The following RBM19 variants were observed in gnomAD, a reference collection of about 807,000 sequenced individuals.
RBM19 encodes RNA binding motif protein 19, also known as probable RNA-binding protein 19.
RBM19 carries 94 observed loss-of-function variants against 116.8 expected under a neutral mutation model. The observed-to-expected ratio is 0.80, with a 90% CI of 0.68 to 0.95. The LOEUF is 0.95. Among genes scored for constraint, RBM19 ranks in the 40% least tolerant of loss-of-function variants. RBM19 has a pLI of 0.00. For missense variants in RBM19, 1,161 were observed against 1,220.7 expected (o/e 0.95, Z 0.73); for synonymous variants, 475 against 494.1 (o/e 0.96, Z 0.51).
At chr12:113,956,588 A>AG (rs1439783574) in intron 6 of RBM19, among the ~76,000 whole-genome samples, 1 of 151,498 alleles carries the variant, frequency 6.6e-6, no homozygotes, top group Non-Finnish European at 1.5e-5. Context: ...AAAAAAAAAA[A>AG]AAAAAAAAAA....
intron 6 of RBM19, 75 bp from the exon 7 acceptor site, chr12:113,955,286 C>T: frequency 7.1e-7 from 1 of 1,406,080 alleles, no homozygotes; most frequent in Admixed American, 1.7e-5. Flanking sequence ...CACACTGGGA[C>T]ATTTCAGTGC....
At chr12:113,945,663 G>A (rs1395127810) in intron 13 of RBM19, among the ~76,000 whole-genome samples, 165 bp downstream of exon 13, 1 of 152,212 alleles carries the variant, frequency 6.6e-6, no homozygotes, top group East Asian at 1.9e-4. Flanking sequence ...TTTCCAAAGG[G>A]AGGGCTGGGA....
chr12:113,849,638 C>T (rs1383290054), intron 22 of RBM19, among the ~76,000 whole-genome samples: 5 of 152,190 alleles, frequency 3.3e-5, no homozygotes, highest in South Asian at 4.1e-4. Context: ...GTAACCTGCA[C>T]CACTATGGCT....
Position 113,884,953 on chromosome 12 carries a change from G to A in RBM19, c.2559-26057C>T, listed in dbSNP as rs145080305. On this transcript the variant is annotated intron_variant, in intron 21 of 23. Coordinates refer to ENST00000261741, the MANE Select transcript of RBM19 (RefSeq NM_016196.4). ...AGAAAATAAATAACTATGAGGAAAC[G>A]GAATGTGGAGAAAAGCCCTTCCCGG... Among the ~76,000 whole-genome samples, 357 of 152,264 alleles carry A rather than the reference G, an allele frequency of 2.3e-3. 1 individual carries two copies. The highest frequency in any genetic ancestry group is 8.3e-3 in the African/African-American group (345 of 41,550).
At chr12:113,910,299 G>A (rs1243180029) in intron 21 of RBM19, among the ~76,000 whole-genome samples, 6 of 152,270 alleles carry the variant, frequency 3.9e-5, no homozygotes, top group South Asian at 2.1e-4. Flanking sequence ...CCCTGCAGGC[G>A]AGCAAACTAA....
intron 23 of RBM19, among the ~76,000 whole-genome samples, chr12:113,837,040 G>C (rs1876005805): frequency 8.7e-6 from 1 of 114,526 alleles, no homozygotes; most frequent in Admixed American, 1.1e-4. Context: ...CACGTCCCAA[G>C]CAATGCTTAT....
In RBM19 at chr12:113,940,066, C is replaced by T. The variant is rs764391736; in HGVS notation, c.1832G>A (p.Gly611Asp). The T allele has an allele frequency of 1.9e-6, 3 of 1,613,952 alleles. No homozygotes were observed. In the African/African-American group the frequency reaches 4.0e-5, roughly 22 times the overall value. Reference protein sequence around the residue: ...AQLQETFGHFGSLGRVLLPEG... With the variant: ...AQLQETFGHFDSLGRVLLPEG... ...TGGCAGCAGCACGCGGCCCAGGCTG[C>T]CAAAATGGCCGAAGGTCTCCTGCAG... The change falls in exon 15 of 24, where the codon GGC becomes GAC. Residue 611 changes from glycine (G) to aspartate (D), a missense_variant. Gly to Asp is a moderately conservative substitution (Grantham distance 94). Coordinates refer to ENST00000261741, the MANE Select transcript of RBM19 (RefSeq NM_016196.4).
intron 16 of RBM19, among the ~76,000 whole-genome samples, chr12:113,928,752 G>C (rs1869351660): frequency 6.6e-6 from 1 of 151,552 alleles, no homozygotes; most frequent in African/African-American, 2.4e-5. Context: ...GCTGCCAGAA[G>C]CCTCAGGAAG....
chr12:113,862,192 A>G (rs1470596365), intron 21 of RBM19, among the ~76,000 whole-genome samples: 2 of 152,190 alleles, frequency 1.3e-5, no homozygotes, highest in Non-Finnish European at 2.9e-5. Flanking sequence ...AGTGCCTGCA[A>G]TATGCAGTCT....
chr12:113,955,319 G>C, intron 6 of RBM19, 108 bp from the exon 7 acceptor site: 1 of 1,038,332 alleles, frequency 9.6e-7, no homozygotes, highest in South Asian at 1.3e-5. Flanking sequence ...CTGCCGCCAG[G>C]GGGAGCTGGG....
At chr12:113,953,359 G>A (rs947290682) in intron 7 of RBM19, among the ~76,000 whole-genome samples, 1 of 152,248 alleles carries the variant, frequency 6.6e-6, no homozygotes, top group African/African-American at 2.4e-5. Context: ...ATGGTGACAG[G>A]TGCCTGTAAT....
intron 21 of RBM19, among the ~76,000 whole-genome samples, chr12:113,873,482 C>T (rs1879435745): frequency 1.1e-5 from 1 of 90,328 alleles, no homozygotes; most frequent in African/African-American, 4.3e-5. Flanking sequence ...TTGAAGGCAG[C>T]ATGCTCGTTA....
chr12:113,835,666 C>T (rs182434411), intron 23 of RBM19, among the ~76,000 whole-genome samples: 57 of 152,318 alleles, frequency 3.7e-4, no homozygotes, highest in Non-Finnish European at 6.5e-4. Context: ...CCGTCTGTGC[C>T]GGAAGAGCAC....
chr12:113,927,880 T>C (rs112408023), intron 16 of RBM19, among the ~76,000 whole-genome samples: 4,768 of 152,180 alleles, frequency 0.031, 166 homozygotes, highest in East Asian at 0.11. Context: ...CTAGGTAAGG[T>C]AGAGTACCAC....
rs112035029 is a variant in RBM19 at position 113,946,479 on chromosome 12, G to C, written c.1408-4C>G. ...GTAACACGTGGAGCATCCTGCCCTG[G>C]ATGGGAATGACGGGAAGGGAGTAAA... On this transcript the variant is annotated splice_polypyrimidine_tract_variant and splice_region_variant and intron_variant, in intron 11 of 23. Transcript: ENST00000261741. 40 of 1,614,194 alleles carry C rather than the reference G, an allele frequency of 2.5e-5. No individual in the cohort carries two copies. The African/African-American group carries it at 4.9e-4, about 20-fold the overall frequency.
At chr12:113,920,776 G>C (rs112539928) in intron 18 of RBM19, 86 bp from the exon 19 acceptor site, 90,583 of 1,178,544 alleles carry the variant, frequency 0.077, 3,996 homozygotes, top group African/African-American at 0.13. Context: ...CCCCAGACCT[G>C]CGCTGTATTT....
intron 22 of RBM19, among the ~76,000 whole-genome samples, chr12:113,854,480 C>T (rs1479295773): frequency 6.6e-6 from 1 of 152,098 alleles, no homozygotes; most frequent in East Asian, 1.9e-4. Context: ...CCCCCATCAA[C>T]CTCTGTCCCC....
At chr12:113,930,269 C>T (rs1432822855) in intron 16 of RBM19, among the ~76,000 whole-genome samples, 1 of 152,244 alleles carries the variant, frequency 6.6e-6, no homozygotes, top group African/African-American at 2.4e-5. Context: ...CGTGGCATTC[C>T]AGGAGTTCCC....
chr12:113,834,945 T>C (rs1237142285), intron 23 of RBM19, among the ~76,000 whole-genome samples: 1 of 152,148 alleles, frequency 6.6e-6, no homozygotes, highest in African/African-American at 2.4e-5. Flanking sequence ...ACATGGTAGG[T>C]CCATGACAAA....
Sources: gnomAD v4.1 joint callset for allele counts (sites outside exome capture counted in the v4.1 genomes callset) on GRCh38, gnomAD v4.1.1 for gene constraint, MANE v1.5 for transcripts, NCBI Gene and HGNC (gene_info 2026-07-23, HGNC 2026-07-21) for gene names.